Variants in TIPIN observed in about 807,000 individuals in gnomAD.
The protein encoded by TIPIN is TIMELESS interacting protein.
A neutral mutation model predicts 35.6 loss-of-function variants in TIPIN; 29 were observed. That is an observed-to-expected ratio of 0.82 (90% CI 0.61 to 1.11). The LOEUF is 1.11. Among genes scored for constraint, TIPIN ranks in the 50% most tolerant of loss-of-function variants. The probability of loss-of-function intolerance (pLI) is 0.00; values close to 1 mark genes in which losing one functional copy is unlikely to be tolerated. For missense variants in TIPIN, 296 were observed against 345.4 expected (o/e 0.86, Z 1.13); for synonymous variants, 102 against 121.5 (o/e 0.84, Z 1.06).
intron 6 of TIPIN, 125 bp downstream of exon 6, chr15:66,348,935 A>C: frequency 1.4e-6 from 1 of 720,112 alleles, no homozygotes; most frequent in Admixed American, 2.7e-5. Context: ...ACAGAGCAAG[A>C]TTCTGTCCCT....
intron 1 of TIPIN, among the ~76,000 whole-genome samples, chr15:66,367,216 A>ATATCTATATCTG (rs1276740596): frequency 7.1e-6 from 1 of 140,504 alleles, no homozygotes; most frequent in Non-Finnish European, 1.5e-5. Flanking sequence ...ATCTATATCT[A>ATATCTATATCTG]TATCTATATC....
rs111703708 is a variant in TIPIN at position 66,337,381 on chromosome 15, A to C, written c.683-200T>G. 6.3e-3 allele frequency among the ~76,000 whole-genome samples: 947 copies of C among 150,900 alleles called. 6 individuals are homozygous for C. The highest frequency in any genetic ancestry group is 0.01 in the Non-Finnish European group (692 of 67,718). ...CGCTCCATCACTTTGGCTGGAGTGCAATCGCACGATCTGGGCTCACTGCAA... is the reference window on the plus strand; with the variant it reads ...CGCTCCATCACTTTGGCTGGAGTGCCATCGCACGATCTGGGCTCACTGCAA... On this transcript the variant is annotated intron_variant, in intron 7 of 7. Transcript: ENST00000261881.
chr15:66,346,039 C>T (rs151224719), intron 6 of TIPIN, among the ~76,000 whole-genome samples: 12 of 151,944 alleles, frequency 7.9e-5, no homozygotes, highest in Admixed American at 5.9e-4. Flanking sequence ...CTCCGCCTTC[C>T]GGGTTCAAGC....
rs1595797936 is a variant in TIPIN, at chr15:66,351,728, C to G, written c.213-128G>C. The G allele has an allele frequency of 1.8e-5, 13 of 719,690 alleles. No homozygotes were observed. In the South Asian group the frequency reaches 2.4e-4, roughly 13 times the overall value. The allele number at this position is 719,690 out of a possible 1,614,324, so 44.6% of individuals were successfully genotyped here. A position where few individuals can be genotyped will look rare whatever the true frequency, so the allele number is the denominator to read the frequency against. ...TCTCGGGTCACTGCAAGCTCGGCCT[C>G]CCCCAGGTTCACGTCATTCTCCTGC... On this transcript the variant is annotated intron_variant, in intron 3 of 7. Coordinates refer to ENST00000261881, the MANE Select transcript of TIPIN (RefSeq NM_017858.3).
At chr15:66,359,154 A>AACAC (rs538620517), upstream of TIPIN, among the ~76,000 whole-genome samples, 733 of 134,930 alleles carry the variant, frequency 5.4e-3, 5 homozygotes, top group African/African-American at 0.013. Flanking sequence ...CCTGTCTCAA[A>AACAC]ACACACACAC....
chr15:66,344,936 A>G (rs1486614590), intron 6 of TIPIN, among the ~76,000 whole-genome samples: 2 of 152,232 alleles, frequency 1.3e-5, no homozygotes, highest in Non-Finnish European at 2.9e-5. Flanking sequence ...ATTTACTGCA[A>G]CATTCATTGG....
upstream of TIPIN, among the ~76,000 whole-genome samples, chr15:66,360,073 C>A (rs2093224464): frequency 6.6e-6 from 1 of 152,032 alleles, no homozygotes; most frequent in Non-Finnish European, 1.5e-5. Context: ...CCGTCTAACC[C>A]AGTTTCCTCA....
At chr15:66,354,602 A>G (rs62627267) in intron 1 of TIPIN, among the ~76,000 whole-genome samples, 2,307 of 152,310 alleles carry the variant, frequency 0.015, 65 homozygotes, top group African/African-American at 0.053. Context: ...CTCTTAAGAT[A>G]AAGACAAAAC....
intron 1 of TIPIN, among the ~76,000 whole-genome samples, chr15:66,377,724 T>C (rs1189793703): frequency 6.6e-6 from 1 of 151,508 alleles, no homozygotes; most frequent in African/African-American, 2.4e-5. Context: ...GCTGGAGTGC[T>C]GGATTGCAGT....
chr15:66,338,873 C>T (rs2093064665), intron 7 of TIPIN, among the ~76,000 whole-genome samples: 1 of 147,358 alleles, frequency 6.8e-6, no homozygotes, highest in South Asian at 2.1e-4. Flanking sequence ...TGGCTCACAC[C>T]TGTAATCCCA....
intron 4 of TIPIN, among the ~76,000 whole-genome samples, chr15:66,350,573 C>A (rs1268131114): frequency 6.6e-6 from 1 of 151,324 alleles, no homozygotes; most frequent in Non-Finnish European, 1.5e-5. Flanking sequence ...CCATTGCACT[C>A]CAGCCTGGGT....
chr15:66,364,493 C>T (rs2093245591), intron 1 of TIPIN, among the ~76,000 whole-genome samples: 1 of 152,016 alleles, frequency 6.6e-6, no homozygotes, highest in African/African-American at 2.4e-5. Context: ...AGAGTAAAGA[C>T]AAGCAACCAT....
upstream of TIPIN, among the ~76,000 whole-genome samples, chr15:66,358,087 GTC>G (rs2093215171): frequency 6.6e-6 from 1 of 152,152 alleles, no homozygotes; most frequent in Non-Finnish European, 1.5e-5. Context: ...CTGAGACCCT[GTC>G]TCTATTAAAA....
At position 66,352,828 on chromosome 15, in the gene TIPIN, A is replaced by C. The variant is rs62627276; in HGVS notation, c.120T>G (p.Thr40=). 6.2e-7 allele frequency: 1 copy of C among 1,612,524 alleles called. No individual in the cohort carries two copies. The highest frequency in any genetic ancestry group is 1.3e-5 in the African/African-American group (1 of 74,980). ...ASPERQDGEG[T]EPDEESGNGA... is the part of the protein sequence containing the mutation. ...CTCTATACATACCTTCATCAGGCTC[A>C]GTTCCTTCACCATCTTGTCTCTCTG... The change falls in exon 2 of 8, where the codon ACT becomes ACG. Residue 40 remains threonine (T), a synonymous_variant. Coordinates refer to ENST00000261881, the MANE Select transcript of TIPIN (RefSeq NM_017858.3).
At chr15:66,365,645 C>G (rs182253996) in intron 1 of TIPIN, among the ~76,000 whole-genome samples, 6 of 152,290 alleles carry the variant, frequency 3.9e-5, no homozygotes, top group Admixed American at 3.3e-4. Context: ...CTCCTGGGTT[C>G]AAGCAATTCT....
At chr15:66,368,257 T>G (rs1318024349) in intron 1 of TIPIN, among the ~76,000 whole-genome samples, 1 of 151,894 alleles carries the variant, frequency 6.6e-6, no homozygotes, top group Non-Finnish European at 1.5e-5. Context: ...CAGTGGCTCA[T>G]GCCTATAATC....
intron 1 of TIPIN, among the ~76,000 whole-genome samples, chr15:66,355,149 TCAG>T (rs2093195207): frequency 6.7e-6 from 1 of 148,506 alleles, no homozygotes; most frequent in South Asian, 2.2e-4. Context: ...TTCTCCTGCC[TCAG>T]CCTCCCGAAT....
intron 1 of TIPIN, among the ~76,000 whole-genome samples, chr15:66,365,281 T>TATACATAATACATA (rs71447900): frequency 6.6e-6 from 1 of 151,954 alleles, no homozygotes; most frequent in Non-Finnish European, 1.5e-5. Context: ...CATAATACAT[T>TATACATAATACATA]ATACATAATA....
intron 2 of TIPIN, among the ~76,000 whole-genome samples, 154 bp from the exon 3 acceptor site, chr15:66,352,361 C>T (rs2093174090): frequency 6.6e-6 from 1 of 152,130 alleles, no homozygotes; most frequent in Non-Finnish European, 1.5e-5. Flanking sequence ...TGCAGTGGTG[C>T]GATCTTGGCT....
Sources: allele counts gnomAD v4.1 joint callset (sites outside exome capture counted in the v4.1 genomes callset), GRCh38; gene constraint gnomAD v4.1.1; transcripts MANE v1.5; gene names NCBI Gene and HGNC (gene_info 2026-07-23, HGNC 2026-07-21).